CWC27: variants seen among roughly 807,000 people sequenced by gnomAD.
The protein encoded by CWC27 is spliceosome-associated protein CWC27 homolog.
Under a neutral mutation model 63.6 loss-of-function variants are expected in CWC27, and 47 were observed. That is an observed-to-expected ratio of 0.74 (90% CI 0.58 to 0.94). The LOEUF is 0.94. CWC27 is among the 40% of genes least tolerant of loss of function. The probability of loss-of-function intolerance (pLI) is 0.00; values close to 1 mark genes in which losing one functional copy is unlikely to be tolerated. For synonymous variants in CWC27, 175 were observed against 179.8 expected (o/e 0.97, Z 0.22); for missense variants, 495 against 554.3 (o/e 0.89, Z 1.07).
At chr5:64,956,854 C>T (rs1301517567) in intron 11 of CWC27, among the ~76,000 whole-genome samples, 1 of 152,086 alleles carries the variant, frequency 6.6e-6, no homozygotes, top group Admixed American at 6.6e-5. Flanking sequence ...TTTCCTCATG[C>T]ATGAAATAGG....
intron 10 of CWC27, among the ~76,000 whole-genome samples, chr5:64,820,460 G>C (rs149867537): frequency 6.6e-6 from 1 of 152,136 alleles, no homozygotes; most frequent in Admixed American, 6.6e-5. Context: ...TCCTTTTACA[G>C]AGTATGATAC....
chr5:64,818,976 C>G (rs1023587741), intron 10 of CWC27, among the ~76,000 whole-genome samples: 1 of 152,194 alleles, frequency 6.6e-6, no homozygotes, highest in East Asian at 1.9e-4. Flanking sequence ...GATATTTGCT[C>G]CTAGGTTTTA....
At chr5:64,850,810 A>C (rs563730306) in intron 10 of CWC27, among the ~76,000 whole-genome samples, 9 of 152,338 alleles carry the variant, frequency 5.9e-5, no homozygotes, top group African/African-American at 2.2e-4. Flanking sequence ...ACATGAAAAA[A>C]TGTTCAACAT....
At chr5:64,999,497 C>T (rs1399376905) in intron 13 of CWC27, among the ~76,000 whole-genome samples, 1 of 152,064 alleles carries the variant, frequency 6.6e-6, no homozygotes, top group African/African-American at 2.4e-5. Context: ...CTCCACACCA[C>T]CCTTCCCAGC....
intron 11 of CWC27, among the ~76,000 whole-genome samples, chr5:64,894,408 T>C (rs1286576576): frequency 6.6e-6 from 1 of 152,166 alleles, no homozygotes; most frequent in Non-Finnish European, 1.5e-5. Flanking sequence ...AAAGTTTTAA[T>C]TGGTATTTAT....
chr5:64,844,730 CTT>C (rs1745930912), intron 10 of CWC27, among the ~76,000 whole-genome samples: 1 of 152,228 alleles, frequency 6.6e-6, no homozygotes, highest in South Asian at 2.1e-4. Flanking sequence ...ATTCCAGTGA[CTT>C]TGCATAGGCA....
At chr5:64,776,240 A>T (rs35613871) in intron 2 of CWC27, among the ~76,000 whole-genome samples, 1 of 152,100 alleles carries the variant, frequency 6.6e-6, no homozygotes, top group Non-Finnish European at 1.5e-5. Flanking sequence ...CAAGTTGAGA[A>T]ACACAGGAGA....
chr5:64,800,361 A>C, intron 8 of CWC27, 34 bp downstream of exon 8: 1 of 1,474,392 alleles, frequency 6.8e-7, no homozygotes, highest in Non-Finnish European at 9.4e-7. Flanking sequence ...CTAAGTTCTT[A>C]ATTTTCTGGC....
chr5:64,813,211 A>G (rs1433613), intron 10 of CWC27, among the ~76,000 whole-genome samples: 55,170 of 152,018 alleles, frequency 0.36, 10,585 homozygotes, highest in East Asian at 0.51. Flanking sequence ...TACTATATTT[A>G]GCATTTCTGG....
chr5:65,015,091 A>C (rs370981487), intron 13 of CWC27, among the ~76,000 whole-genome samples: 68 of 152,246 alleles, frequency 4.5e-4, no homozygotes, highest in African/African-American at 1.6e-3. Flanking sequence ...TCAAATTTGT[A>C]AGGAAATCTG....
At chr5:64,839,566 A>C (rs943775265) in intron 10 of CWC27, among the ~76,000 whole-genome samples, 1 of 152,212 alleles carries the variant, frequency 6.6e-6, no homozygotes, top group African/African-American at 2.4e-5. Context: ...GAAACGAGAA[A>C]GCACAGGGCC....
intron 11 of CWC27, among the ~76,000 whole-genome samples, chr5:64,966,177 T>C (rs548478490): frequency 6.6e-6 from 1 of 152,144 alleles, no homozygotes; most frequent in South Asian, 2.1e-4. Context: ...GTGTATAGCT[T>C]CATAATCTAG....
At chr5:65,009,212 C>T (rs1031693884) in intron 13 of CWC27, among the ~76,000 whole-genome samples, 2 of 152,108 alleles carry the variant, frequency 1.3e-5, no homozygotes, top group African/African-American at 4.8e-5. Context: ...CTCAAGGAAA[C>T]TGTCATAGCA....
intron 10 of CWC27, among the ~76,000 whole-genome samples, chr5:64,869,599 A>G (rs1746614942): frequency 1.3e-5 from 2 of 152,092 alleles, no homozygotes; most frequent in African/African-American, 4.8e-5. Flanking sequence ...TCTTGCATCC[A>G]GTCACTAGTG....
intron 11 of CWC27, among the ~76,000 whole-genome samples, chr5:64,928,379 G>A (rs752831851): frequency 5.3e-5 from 8 of 152,116 alleles, no homozygotes; most frequent in Non-Finnish European, 5.9e-5. Flanking sequence ...ATAATGACAA[G>A]TCTGCTTGGT....
chr5:65,008,577 G>T (rs1227771520), intron 13 of CWC27, among the ~76,000 whole-genome samples: 1 of 152,166 alleles, frequency 6.6e-6, no homozygotes, highest in Non-Finnish European at 1.5e-5. Flanking sequence ...AGTGCTAGAA[G>T]AAAATATAGG....
chr5:65,013,986 T>G (rs1750008372), intron 13 of CWC27, among the ~76,000 whole-genome samples: 1 of 152,090 alleles, frequency 6.6e-6, no homozygotes, highest in Non-Finnish European at 1.5e-5. Flanking sequence ...TATCTTAGTC[T>G]ATTTCACAAT....
At chr5:64,906,364 AACTGCTGTG>A (rs1747641258) in intron 11 of CWC27, among the ~76,000 whole-genome samples, 1 of 152,152 alleles carries the variant, frequency 6.6e-6, no homozygotes, top group Non-Finnish European at 1.5e-5. Flanking sequence ...TTGCCATTCT[AACTGCTGTG>A]AGATGGTATC....
intron 11 of CWC27, among the ~76,000 whole-genome samples, chr5:64,910,989 C>A (rs1282762587): frequency 6.6e-6 from 1 of 152,196 alleles, no homozygotes; most frequent in Admixed American, 6.5e-5. Flanking sequence ...GTGAGATGAA[C>A]CACATACCTC....
Sources: gnomAD v4.1 joint callset for allele counts (sites outside exome capture counted in the v4.1 genomes callset) on GRCh38, gnomAD v4.1.1 for gene constraint, MANE v1.5 for transcripts, NCBI Gene and HGNC (gene_info 2026-07-23, HGNC 2026-07-21) for gene names.